The following ENAH variants were observed in gnomAD, a reference collection of about 807,000 sequenced individuals.
ENAH encodes the protein protein enabled homolog.
Under a neutral mutation model 78.7 loss-of-function variants are expected in ENAH, and 23 were observed. That is an observed-to-expected ratio of 0.29 (90% CI 0.21 to 0.41). The LOEUF (loss-of-function observed/expected upper bound fraction) is 0.41. Among genes scored for constraint, ENAH ranks in the 10% least tolerant of loss-of-function variants. ENAH has a pLI of 1.00. For missense variants in ENAH, 544 were observed against 691.0 expected (o/e 0.79, Z 2.39); for synonymous variants, 226 against 241.0 (o/e 0.94, Z 0.58).
At chr1:225,577,530 T>TTA (rs1253115042) in intron 1 of ENAH, among the ~76,000 whole-genome samples, 2 of 152,226 alleles carry the variant, frequency 1.3e-5, no homozygotes, top group Admixed American at 1.3e-4. Flanking sequence ...AAGACCACAC[T>TTA]TATGTTTCAT....
At chr1:225,652,645 G>C in intron 1 of ENAH, 41 bp downstream of exon 1, 1 of 1,265,202 alleles carries the variant, frequency 7.9e-7, no homozygotes, top group Non-Finnish European at 1.0e-6. Context: ...GGCTCCCGCG[G>C]CACAATGGCC....
At chr1:225,541,386 G>A (rs1307701887) in intron 3 of ENAH, among the ~76,000 whole-genome samples, 1 of 152,056 alleles carries the variant, frequency 6.6e-6, no homozygotes, top group Non-Finnish European at 1.5e-5. Context: ...AGTGAGCCAA[G>A]ATCGCGCCAC....
chr1:225,541,217 G>A (rs2096586721), intron 3 of ENAH, among the ~76,000 whole-genome samples: 1 of 152,148 alleles, frequency 6.6e-6, no homozygotes, highest in South Asian at 2.1e-4. Flanking sequence ...TGCGGATCAC[G>A]TGGTCAGGAG....
chr1:225,578,753 C>A (rs760824749), intron 1 of ENAH, among the ~76,000 whole-genome samples: 1 of 147,534 alleles, frequency 6.8e-6, no homozygotes, highest in Non-Finnish European at 1.5e-5. Context: ...TATTGTTTAA[C>A]TGTAGGCACA....
At chr1:225,587,507 T>G (rs755924119) in intron 1 of ENAH, among the ~76,000 whole-genome samples, 3 of 152,134 alleles carry the variant, frequency 2.0e-5, no homozygotes, top group Non-Finnish European at 4.4e-5. Context: ...TAAGAGAAAT[T>G]TTAAAAAACT....
intron 3 of ENAH, among the ~76,000 whole-genome samples, chr1:225,546,469 G>GAGAAC (rs2096614386): frequency 6.6e-6 from 1 of 152,204 alleles, no homozygotes; most frequent in Admixed American, 6.5e-5. Flanking sequence ...GGCAAGGGAA[G>GAGAAC]AGAACAGAAG....
intron 13 of ENAH, among the ~76,000 whole-genome samples, chr1:225,498,095 T>C (rs2096259438): frequency 6.6e-6 from 1 of 152,182 alleles, no homozygotes; most frequent in South Asian, 2.1e-4. Context: ...GAAAGATCTG[T>C]TCATGTGGTT....
chr1:225,502,580 T>C (rs1168288554), intron 11 of ENAH, among the ~76,000 whole-genome samples: 1 of 152,168 alleles, frequency 6.6e-6, no homozygotes, highest in Non-Finnish European at 1.5e-5. Context: ...CCAATTTTAC[T>C]TTATTAGGTA....
rs560302924 is a variant in ENAH, at chr1:225,496,728, ATTAT to A, written c.*1043_*1046del. 2.1e-3 allele frequency: 317 copies of A among 152,762 alleles called. 2 individuals are homozygous for A. Among genetic ancestry groups the A allele is most frequent in the Non-Finnish European group, 3.4e-3 (233 of 68,032 alleles). 9.5% of individuals were successfully genotyped at this position (152,762 alleles called of 1,614,324 possible). On this transcript the variant is annotated 3_prime_UTR_variant, in exon 14 of 14. Transcript: ENST00000366843. ...CAATTAAAGTCACAAAATATTTCTC[ATTAT>A]TTATTCATGCAGGTAACTGAGAAAA...
intron 1 of ENAH, among the ~76,000 whole-genome samples, chr1:225,644,372 A>T (rs957352593): frequency 2.0e-5 from 3 of 152,238 alleles, no homozygotes; most frequent in Admixed American, 6.5e-5. Flanking sequence ...AAAAGTTTTA[A>T]ATGAAAACTT....
chr1:225,607,426 G>GA (rs2096962127), intron 1 of ENAH, among the ~76,000 whole-genome samples: 1 of 139,238 alleles, frequency 7.2e-6, no homozygotes, highest in African/African-American at 2.7e-5. Flanking sequence ...GTAGGCTGAA[G>GA]AAAACAGAAA....
chr1:225,566,339 A>G (rs1418303606), intron 2 of ENAH, among the ~76,000 whole-genome samples: 1 of 152,052 alleles, frequency 6.6e-6, no homozygotes, highest in Non-Finnish European at 1.5e-5. Context: ...CCCTATATGC[A>G]TACATGACAA....
In ENAH at chr1:225,588,196, G is replaced by A. The variant is rs1193765407; in HGVS notation, c.6-20782C>T. Among the ~76,000 whole-genome samples the A allele has an allele frequency of 2.0e-5, 3 of 152,122 alleles. No individual in the cohort carries two copies. The East Asian group carries it at 5.8e-4, about 29-fold the overall frequency. ...CTGTTACAGGAAGAAAGAGAGGGAGGAGGGGAAAAGGGAGAGAATGCATAC... is the reference window on the plus strand; with the variant it reads ...CTGTTACAGGAAGAAAGAGAGGGAGAAGGGGAAAAGGGAGAGAATGCATAC... On this transcript the variant is annotated intron_variant, in intron 1 of 13. Transcript: ENST00000366843.
intron 1 of ENAH, among the ~76,000 whole-genome samples, chr1:225,593,517 G>A (rs977392348): frequency 1.3e-5 from 2 of 151,366 alleles, no homozygotes; most frequent in African/African-American, 2.4e-5. Context: ...TATGCTTTGA[G>A]AGGGGTGGAA....
rs111684978 is a variant in ENAH, at chr1:225,562,264, C to T, written c.171+4985G>A. ...TGCATCTTTGATTCAAGGTCAGGAA[C>T]GATATTCTATATAAAACCCAAGCAC... On this transcript the variant is annotated intron_variant, in intron 2 of 13. Coordinates refer to ENST00000366843, the MANE Select transcript of ENAH (RefSeq NM_018212.6). Among the ~76,000 whole-genome samples the T allele has an allele frequency of 5.8e-3, 876 of 151,620 alleles. 2 individuals are homozygous for T. Among genetic ancestry groups the T allele is most frequent in the Non-Finnish European group, 0.01 (680 of 67,864 alleles).
chr1:225,527,427 T>A (rs1311778938), intron 4 of ENAH, among the ~76,000 whole-genome samples: 1 of 152,236 alleles, frequency 6.6e-6, no homozygotes, highest in Non-Finnish European at 1.5e-5. Context: ...CTATACATCC[T>A]TCCCGTTTGC....
chr1:225,576,888 A>G (rs1284047745), intron 1 of ENAH, among the ~76,000 whole-genome samples: 1 of 152,150 alleles, frequency 6.6e-6, no homozygotes, highest in Non-Finnish European at 1.5e-5. Context: ...TAATCCCAGC[A>G]CTTTGGGAGG....
intron 1 of ENAH, among the ~76,000 whole-genome samples, chr1:225,612,849 G>GGT (rs1444874418): frequency 1.4e-5 from 2 of 138,386 alleles, no homozygotes; most frequent in Non-Finnish European, 3.3e-5. Context: ...GCAAAAAAAA[G>GGT]GGGGGGAGGA....
In ENAH at chr1:225,508,043, TTAAA is replaced by T. The variant is rs748811827; in HGVS notation, c.1472-30_1472-27del. 5.5e-5 allele frequency: 79 copies of T among 1,425,386 alleles called. No individual in the cohort carries two copies. In the East Asian group the frequency reaches 1.8e-3, roughly 32 times the overall value. 88.3% of individuals were successfully genotyped at this position (1,425,386 alleles called of 1,614,324 possible). On this transcript the variant is annotated intron_variant, in intron 10 of 13. Transcript: ENST00000366843. ...CTTTAAAAATAAAAAACAAAAGCTATTAAATAAATAAATGCTTCCAGAGTTATTA... is the reference window on the plus strand; with the variant it reads ...CTTTAAAAATAAAAAACAAAAGCTATTAAATAAATGCTTCCAGAGTTATTA...
Sources: gnomAD v4.1 joint callset for allele counts (sites outside exome capture counted in the v4.1 genomes callset) on GRCh38, gnomAD v4.1.1 for gene constraint, MANE v1.5 for transcripts, NCBI Gene and HGNC (gene_info 2026-07-23, HGNC 2026-07-21) for gene names.